Variants in DSCAML1 observed in about 807,000 individuals in gnomAD.
The protein encoded by DSCAML1 is cell adhesion molecule DSCAML1.
A neutral mutation model predicts 200.5 loss-of-function variants in DSCAML1; 38 were observed. The ratio of observed to expected loss-of-function variants is 0.19; its 90% CI spans 0.15 to 0.25. DSCAML1 has a LOEUF of 0.25. Among genes scored for constraint, DSCAML1 ranks in the 10% least tolerant of loss-of-function variants. The pLI, the probability that DSCAML1 is intolerant of heterozygous loss-of-function variation, is 1.00. For synonymous variants in DSCAML1, 1,215 were observed against 1,165.0 expected (o/e 1.04, Z -0.87); for missense variants, 2,223 against 2,858.8 (o/e 0.78, Z 5.07).
At chr11:117,626,395 G>T (rs2052048144) in intron 3 of DSCAML1, among the ~76,000 whole-genome samples, 1 of 152,202 alleles carries the variant, frequency 6.6e-6, no homozygotes, top group South Asian at 2.1e-4. Flanking sequence ...ATTTCATGCT[G>T]CTGCCTGATT....
At chr11:117,771,825 T>C (rs1049105104) in intron 3 of DSCAML1, among the ~76,000 whole-genome samples, 5 of 152,178 alleles carry the variant, frequency 3.3e-5, no homozygotes, top group African/African-American at 1.2e-4. Flanking sequence ...AGATAATATA[T>C]ATAAAATGCC....
chr11:117,461,029 C>T (rs770034833), intron 18 of DSCAML1, among the ~76,000 whole-genome samples: 8 of 151,656 alleles, frequency 5.3e-5, no homozygotes, highest in East Asian at 2.0e-4. Flanking sequence ...TATTCCCCAC[C>T]GGTCCCTGGC....
chr11:117,523,697 T>C (rs1200716803), intron 5 of DSCAML1, among the ~76,000 whole-genome samples: 1 of 152,234 alleles, frequency 6.6e-6, no homozygotes, highest in African/African-American at 2.4e-5. Context: ...GCTGTGGTTC[T>C]CTGGTCAGCC....
Position 117,700,796 on chromosome 11 carries a change from C to T in DSCAML1, c.511+75995G>A, listed in dbSNP as rs187634660. On this transcript the variant is annotated intron_variant, in intron 3 of 32. Transcript: ENST00000651296. Reference sequence around the variant, plus strand: ...TAATGTGAACTGGGGGCTTCCCCTCCGCCCAGCCAGAAGCAGAGCAGGACC... The same window carrying T: ...TAATGTGAACTGGGGGCTTCCCCTCTGCCCAGCCAGAAGCAGAGCAGGACC... Among the ~76,000 whole-genome samples, 251 of 152,256 alleles carry T rather than the reference C, an allele frequency of 1.6e-3. 3 individuals are homozygous for T. The highest frequency in any genetic ancestry group is 5.3e-3 in the African/African-American group (222 of 41,524).
At chr11:117,679,181 G>A (rs1235823248) in intron 3 of DSCAML1, among the ~76,000 whole-genome samples, 7 of 152,230 alleles carry the variant, frequency 4.6e-5, no homozygotes, top group African/African-American at 1.7e-4. Context: ...GGAGCAGAGG[G>A]AGAGCTGAAA....
intron 3 of DSCAML1, among the ~76,000 whole-genome samples, chr11:117,596,458 G>C (rs2051363397): frequency 1.2e-5 from 1 of 80,078 alleles, no homozygotes; most frequent in Non-Finnish European, 3.2e-5. Context: ...TTGAGGAGGA[G>C]AGAGAGAGAA....
At chr11:117,447,212 C>T (rs558235325) in intron 20 of DSCAML1, among the ~76,000 whole-genome samples, 16 of 152,164 alleles carry the variant, frequency 1.1e-4, no homozygotes, top group Admixed American at 7.2e-4. Flanking sequence ...CACTTGAACC[C>T]GGGAGGTGGA....
intron 24 of DSCAML1, 33 bp from the exon 25 acceptor site, chr11:117,438,116 A>G (rs1278939151): frequency 1.9e-6 from 3 of 1,572,980 alleles, no homozygotes; most frequent in Middle Eastern, 1.7e-4. Context: ...AGGTGGGGGC[A>G]GGGCAGGGCA....
chr11:117,815,054 A>T (rs1298983491), intron 1 of DSCAML1, among the ~76,000 whole-genome samples: 1 of 152,160 alleles, frequency 6.6e-6, no homozygotes, highest in Non-Finnish European at 1.5e-5. Context: ...AGCCAGCCTC[A>T]TCTCCTTTGC....
At chr11:117,594,970 G>T (rs989247515) in intron 3 of DSCAML1, among the ~76,000 whole-genome samples, 1 of 151,864 alleles carries the variant, frequency 6.6e-6, no homozygotes, top group East Asian at 1.9e-4. Context: ...CACCATTGCC[G>T]TTCTCTAACT....
rs182531318 is a variant in DSCAML1 at position 117,461,606 on chromosome 11, G to T, written c.3266-10C>A. On this transcript the variant is annotated splice_polypyrimidine_tract_variant and intron_variant, in intron 17 of 32. Coordinates refer to ENST00000651296, the MANE Select transcript of DSCAML1 (RefSeq NM_020693.4). ...GGGGGCTGGCTGGGCACTGCAGGGG[G>T]TAGGGGGAGAACCAAGGGTCCAGTC... 800 of 1,609,050 alleles carry T rather than the reference G, an allele frequency of 5.0e-4. No individual in the cohort carries two copies. The highest frequency in any genetic ancestry group is 8.3e-4 in the Middle Eastern group (5 of 6,004).
At chr11:117,648,704 A>G (rs2052570263) in intron 3 of DSCAML1, among the ~76,000 whole-genome samples, 1 of 152,016 alleles carries the variant, frequency 6.6e-6, no homozygotes, top group South Asian at 2.1e-4. Context: ...CCTGGTGCAC[A>G]CTCTGCCTCC....
At chr11:117,706,126 C>T (rs1056513038) in intron 3 of DSCAML1, among the ~76,000 whole-genome samples, 3 of 152,152 alleles carry the variant, frequency 2.0e-5, no homozygotes, top group Non-Finnish European at 4.4e-5. Context: ...CTGAGCAGCT[C>T]ATCTCCTCAC....
chr11:117,554,963 C>G (rs2050535027), intron 3 of DSCAML1, among the ~76,000 whole-genome samples: 3 of 152,212 alleles, frequency 2.0e-5, no homozygotes, highest in Non-Finnish European at 4.4e-5. Context: ...TTCCACGTCC[C>G]CTGCCTCTTC....
chr11:117,439,454 G>T (rs750452315), intron 22 of DSCAML1, 25 bp from the exon 23 acceptor site: 30 of 1,603,912 alleles, frequency 1.9e-5, no homozygotes, highest in Non-Finnish European at 2.6e-5. Context: ...GATGGGGCGG[G>T]TGGGTCATGT....
chr11:117,793,577 G>C lies in DSCAML1; in HGVS notation c.46+3457C>G, dbSNP rs76398360. 4.8e-3 allele frequency among the ~76,000 whole-genome samples: 727 copies of C among 152,254 alleles called. 3 individuals are homozygous for C. The highest frequency in any genetic ancestry group is 0.016 in the African/African-American group (651 of 41,532). ...GTCATAGGCTAACAGTCCATGGGGT[G>C]CTCTGGACAGACCTTGACCCTGTGT... On this transcript the variant is annotated intron_variant, in intron 1 of 32. Coordinates refer to ENST00000651296, the MANE Select transcript of DSCAML1 (RefSeq NM_020693.4).
chr11:117,556,721 G>A (rs2050565294), intron 3 of DSCAML1, among the ~76,000 whole-genome samples: 1 of 152,166 alleles, frequency 6.6e-6, no homozygotes, highest in African/African-American at 2.4e-5. Context: ...TGAAGAGATG[G>A]GTGTAACCAT....
chr11:117,583,631 C>A (rs534759845), intron 3 of DSCAML1, among the ~76,000 whole-genome samples: 1 of 152,340 alleles, frequency 6.6e-6, no homozygotes, highest in East Asian at 1.9e-4. Context: ...TGCCCTCCCC[C>A]CATCAGCCCC....
rs116124590 is a variant in DSCAML1, at chr11:117,476,702, A to T, written c.2785+3741T>A. Among the ~76,000 whole-genome samples the T allele has an allele frequency of 3.3e-3, 509 of 152,316 alleles. 3 individuals carry two copies. Among genetic ancestry groups the T allele is most frequent in the African/African-American group, 0.011 (469 of 41,572 alleles). On this transcript the variant is annotated intron_variant, in intron 14 of 32. Transcript: ENST00000651296. ...TAGATTTGCGTGGATGGTGCTATTT[A>T]TCATTCGGCATTCATGTATTATTAC...
Sources: allele counts gnomAD v4.1 joint callset (sites outside exome capture counted in the v4.1 genomes callset), GRCh38; gene constraint gnomAD v4.1.1; transcripts MANE v1.5; gene names NCBI Gene and HGNC (gene_info 2026-07-23, HGNC 2026-07-21).